Variants in GRIA4 observed in about 807,000 individuals in gnomAD.
GRIA4 encodes the protein glutamate receptor 4.
A neutral mutation model predicts 104.0 loss-of-function variants in GRIA4; 34 were observed. The ratio of observed to expected loss-of-function variants is 0.33; its 90% CI spans 0.25 to 0.44. GRIA4 has a LOEUF of 0.44. Among genes scored for constraint, GRIA4 ranks in the 20% least tolerant of loss-of-function variants. GRIA4 has a pLI of 1.00. For synonymous variants in GRIA4, 386 were observed against 381.9 expected (o/e 1.01, Z -0.13); for missense variants, 750 against 1,096.5 (o/e 0.68, Z 4.46).
intron 5 of GRIA4, among the ~76,000 whole-genome samples, chr11:105,869,335 T>C (rs1379148041): frequency 1.3e-5 from 2 of 152,138 alleles, no homozygotes; most frequent in Non-Finnish European, 2.9e-5. Context: ...TTTCTACTAT[T>C]GTTTTTGACA....
intron 14 of GRIA4, among the ~76,000 whole-genome samples, chr11:105,970,597 G>A (rs1272677470): frequency 6.6e-6 from 1 of 152,160 alleles, no homozygotes; most frequent in Non-Finnish European, 1.5e-5. Flanking sequence ...AATTTTAGCT[G>A]TCATGATCAC....
intron 3 of GRIA4, among the ~76,000 whole-genome samples, chr11:105,626,257 G>GCACACATA (rs1240697555): frequency 1.3e-5 from 2 of 151,914 alleles, no homozygotes; most frequent in African/African-American, 4.8e-5. Context: ...ATAAAGGAGA[G>GCACACATA]CACACATACA....
chr11:105,937,961 G>A (rs1368545936), intron 14 of GRIA4, among the ~76,000 whole-genome samples: 2 of 152,100 alleles, frequency 1.3e-5, no homozygotes, highest in Non-Finnish European at 2.9e-5. Flanking sequence ...GAGCCCCACA[G>A]CAATAGCACG....
intron 10 of GRIA4, among the ~76,000 whole-genome samples, chr11:105,916,521 G>GGT (rs1354095237): frequency 6.6e-6 from 1 of 152,070 alleles, no homozygotes; most frequent in Non-Finnish European, 1.5e-5. Flanking sequence ...GAGATCAAGG[G>GGT]GCACACTTGA....
At chr11:105,611,265 G>T (rs577431870) in intron 2 of GRIA4, among the ~76,000 whole-genome samples, 180 bp downstream of exon 2, 1 of 151,944 alleles carries the variant, frequency 6.6e-6, no homozygotes, top group African/African-American at 2.4e-5. Flanking sequence ...AGGTTCCGTT[G>T]GAATACACCC....
At chr11:105,615,997 T>C (rs934746057) in intron 3 of GRIA4, among the ~76,000 whole-genome samples, 6 of 151,780 alleles carry the variant, frequency 4.0e-5, no homozygotes, top group Admixed American at 6.6e-5. Flanking sequence ...CCCTGTCCAA[T>C]ATAATCCATA....
intron 3 of GRIA4, among the ~76,000 whole-genome samples, chr11:105,752,425 G>A (rs1386349457): frequency 6.6e-6 from 1 of 152,108 alleles, no homozygotes; most frequent in Non-Finnish European, 1.5e-5. Flanking sequence ...CTAAGATTGT[G>A]ATTAAAATGA....
intron 14 of GRIA4, among the ~76,000 whole-genome samples, chr11:105,935,623 A>T (rs766034165): frequency 1.3e-5 from 2 of 152,164 alleles, no homozygotes; most frequent in Non-Finnish European, 2.9e-5. Flanking sequence ...TGATATGTAG[A>T]TCAGTGTTCA....
chr11:105,978,987 T>C (rs911706750), intron 16 of GRIA4, among the ~76,000 whole-genome samples: 5 of 152,174 alleles, frequency 3.3e-5, no homozygotes, highest in African/African-American at 1.2e-4. Flanking sequence ...TCTTAAAATA[T>C]GAGCCTTAGT....
chr11:105,805,781 G>T (rs184525162), intron 4 of GRIA4, among the ~76,000 whole-genome samples: 39 of 151,920 alleles, frequency 2.6e-4, no homozygotes, highest in Admixed American at 1.2e-3. Context: ...AAGCCTTCTC[G>T]ACACAAAGTG....
intron 3 of GRIA4, among the ~76,000 whole-genome samples, chr11:105,730,086 A>T (rs1437957904): frequency 6.6e-6 from 1 of 152,230 alleles, no homozygotes; most frequent in Non-Finnish European, 1.5e-5. Flanking sequence ...GAGGAAGTCA[A>T]TTCATCTCTG....
chr11:105,955,775 G>A (rs1379168402), intron 14 of GRIA4, among the ~76,000 whole-genome samples: 1 of 152,136 alleles, frequency 6.6e-6, no homozygotes. Context: ...AGCCTTGCCA[G>A]CATCTATTGT....
At chr11:105,700,742 C>T (rs766465502) in intron 3 of GRIA4, among the ~76,000 whole-genome samples, 5 of 152,042 alleles carry the variant, frequency 3.3e-5, no homozygotes, top group Non-Finnish European at 5.9e-5. Flanking sequence ...TAATTCCCAC[C>T]GACATTAAAT....
At chr11:105,876,570 A>C (rs10895882) in intron 5 of GRIA4, among the ~76,000 whole-genome samples, 40,938 of 152,076 alleles carry the variant, frequency 0.27, 5,520 homozygotes, top group Non-Finnish European at 0.29. Context: ...TAGGTCTCTA[A>C]GAACTTGCTT....
intron 4 of GRIA4, among the ~76,000 whole-genome samples, chr11:105,854,926 C>A (rs998323440): frequency 6.6e-6 from 1 of 152,150 alleles, no homozygotes; most frequent in Non-Finnish European, 1.5e-5. Context: ...GTTTTTATTT[C>A]TTCACCTTTA....
At chr11:105,621,807 A>T (rs1950753419) in intron 3 of GRIA4, among the ~76,000 whole-genome samples, 1 of 151,890 alleles carries the variant, frequency 6.6e-6, no homozygotes. Context: ...ATTTAAATTT[A>T]CAACAACCAG....
chr11:105,968,246 C>A (rs1388652770), intron 14 of GRIA4, among the ~76,000 whole-genome samples: 1 of 152,200 alleles, frequency 6.6e-6, no homozygotes, highest in South Asian at 2.1e-4. Flanking sequence ...TGTGAGAGAG[C>A]TGACTCACTT....
At chr11:105,880,005 G>A (rs1164888123) in intron 5 of GRIA4, among the ~76,000 whole-genome samples, 1 of 152,066 alleles carries the variant, frequency 6.6e-6, no homozygotes, top group Non-Finnish European at 1.5e-5. Flanking sequence ...TAATGTAATT[G>A]TTTATGAAAG....
chr11:105,701,585 G>A (rs1953494785), intron 3 of GRIA4, among the ~76,000 whole-genome samples: 1 of 152,026 alleles, frequency 6.6e-6, no homozygotes, highest in Admixed American at 6.6e-5. Context: ...TAGGAAACAA[G>A]GTTTATTTAA....
Sources: allele counts gnomAD v4.1 joint callset (sites outside exome capture counted in the v4.1 genomes callset), GRCh38; gene constraint gnomAD v4.1.1; transcripts MANE v1.5; gene names NCBI Gene and HGNC (gene_info 2026-07-23, HGNC 2026-07-21).